The following CDH6 variants were observed in gnomAD, a reference collection of about 807,000 sequenced individuals.
CDH6 encodes cadherin-6.
In CDH6, 31 loss-of-function variants were observed where a neutral mutation model predicts 78.0. The observed-to-expected ratio is 0.40, with a 90% CI of 0.30 to 0.54. The LOEUF is 0.54. CDH6 is among the 20% of genes least tolerant of loss of function. The pLI, the probability that CDH6 is intolerant of heterozygous loss-of-function variation, is 0.56. For synonymous variants in CDH6, 376 were observed against 368.8 expected (o/e 1.02, Z -0.23); for missense variants, 724 against 975.9 (o/e 0.74, Z 3.44).
chr5:31,242,758 A>T (rs919178002), intron 1 of CDH6, among the ~76,000 whole-genome samples: 2 of 151,592 alleles, frequency 1.3e-5, no homozygotes, highest in African/African-American at 4.9e-5. Flanking sequence ...GCAGTGGCTC[A>T]CACCTGTAAT....
At chr5:31,277,285 T>C (rs1742724671) in intron 2 of CDH6, among the ~76,000 whole-genome samples, 1 of 152,198 alleles carries the variant, frequency 6.6e-6, no homozygotes, top group Non-Finnish European at 1.5e-5. Context: ...TGGTACAATT[T>C]GGGGTTTATA....
At position 31,320,934 on chromosome 5, in the gene CDH6, G is replaced by A. The variant is rs894722544; in HGVS notation, c.1883-1884G>A. Reference sequence around the variant, plus strand: ...GCAGAGGTTGTAGTGATCTGAGATCGTGCCACTGCACTCCAGCCTGGGTGA... The same window carrying A: ...GCAGAGGTTGTAGTGATCTGAGATCATGCCACTGCACTCCAGCCTGGGTGA... On this transcript the variant is annotated intron_variant, in intron 11 of 11. Coordinates refer to ENST00000265071, the MANE Select transcript of CDH6 (RefSeq NM_004932.4). Among the ~76,000 whole-genome samples the A allele has an allele frequency of 4.7e-5, 7 of 150,280 alleles. No individual in the cohort carries two copies. In the East Asian group the frequency reaches 5.9e-4, roughly 13 times the overall value.
intron 11 of CDH6, among the ~76,000 whole-genome samples, chr5:31,321,875 C>A (rs746142596): frequency 2.6e-5 from 4 of 152,106 alleles, no homozygotes; most frequent in Admixed American, 1.3e-4. Flanking sequence ...TCTCTCTAAG[C>A]TTTTACTGTG....
At chr5:31,268,541 G>T (rs909545923) in intron 2 of CDH6, among the ~76,000 whole-genome samples, 14 of 152,062 alleles carry the variant, frequency 9.2e-5, no homozygotes, top group African/African-American at 3.4e-4. Context: ...AGATGTCAAA[G>T]AAAAAACCAG....
At chr5:31,282,575 T>G (rs2149941199) in intron 2 of CDH6, among the ~76,000 whole-genome samples, 1 of 152,274 alleles carries the variant, frequency 6.6e-6, no homozygotes, top group Middle Eastern at 3.4e-3. Context: ...ATGTGTAAAG[T>G]TCTTTTTGCC....
intron 1 of CDH6, among the ~76,000 whole-genome samples, chr5:31,257,253 C>G (rs1742082395): frequency 6.6e-6 from 1 of 152,170 alleles, no homozygotes; most frequent in South Asian, 2.1e-4. Context: ...AGCTCCGCCT[C>G]CCGGGTTCAC....
At chr5:31,261,612 C>T (rs2149930334) in intron 1 of CDH6, among the ~76,000 whole-genome samples, 1 of 152,246 alleles carries the variant, frequency 6.6e-6, no homozygotes, top group East Asian at 1.9e-4. Context: ...TTACTGAATG[C>T]TTATTGTGCT....
intron 1 of CDH6, among the ~76,000 whole-genome samples, chr5:31,253,538 C>T (rs1303373050): frequency 6.6e-6 from 1 of 152,156 alleles, no homozygotes; most frequent in Non-Finnish European, 1.5e-5. Context: ...CAGAGTAATA[C>T]AGGACCTCTC....
intron 1 of CDH6, among the ~76,000 whole-genome samples, chr5:31,208,987 C>T (rs1435887470): frequency 1.3e-5 from 2 of 152,160 alleles, no homozygotes; most frequent in African/African-American, 4.8e-5. Flanking sequence ...TTCAACCCAG[C>T]TCTATCTGAG....
At chr5:31,250,301 C>T (rs1039197494) in intron 1 of CDH6, 1 of 152,370 alleles carries the variant, frequency 6.6e-6, no homozygotes, top group African/African-American at 2.4e-5. Context: ...GGGGTCACTT[C>T]CCTCCCTCCA....
At chr5:31,302,827 A>G (rs1579900516) in intron 6 of CDH6, among the ~76,000 whole-genome samples, 1 of 146,552 alleles carries the variant, frequency 6.8e-6, no homozygotes, top group South Asian at 2.2e-4. Context: ...AAAGAAAGAA[A>G]GAAAGAAAGA....
intron 1 of CDH6, among the ~76,000 whole-genome samples, chr5:31,259,932 G>A (rs1230295970): frequency 6.6e-6 from 1 of 152,156 alleles, no homozygotes; most frequent in African/African-American, 2.4e-5. Flanking sequence ...ACTGCTGTGG[G>A]AGCAGCTCCC....
chr5:31,301,753 G>A (rs1737770886), intron 5 of CDH6, among the ~76,000 whole-genome samples: 1 of 152,176 alleles, frequency 6.6e-6, no homozygotes, highest in Admixed American at 6.5e-5. Context: ...TCGCAGTTCA[G>A]ATTAAATTCT....
At chr5:31,287,146 T>C (rs1743033295) in intron 2 of CDH6, among the ~76,000 whole-genome samples, 1 of 152,026 alleles carries the variant, frequency 6.6e-6, no homozygotes, top group Non-Finnish European at 1.5e-5. Flanking sequence ...GGTACAGAGA[T>C]AGCAATTGAA....
In CDH6 at chr5:31,313,398, T is replaced by A; in HGVS notation, c.1334T>A (p.Leu445His). Residue 445 changes from leucine to histidine, a missense_variant, in exon 8 of 12, where the codon CTT becomes CAT. This residue lies in a region of CDH6 where 446 missense variants were observed against 684.5 expected (regional missense o/e 0.65). Coordinates refer to ENST00000265071, the MANE Select transcript of CDH6 (RefSeq NM_004932.4). Reference sequence around the variant, plus strand: ...AATGGTTCGATTTTTACATCGAAACTTCTTGACCGAGAAACACTGCTATGG... The same window carrying A: ...AATGGTTCGATTTTTACATCGAAACATCTTGACCGAGAAACACTGCTATGG... ...SGNGSIFTSK[L>H]LDRETLLWHN... 1.9e-6 allele frequency: 3 copies of A among 1,614,070 alleles called. No homozygotes were observed. The highest frequency in any genetic ancestry group is 2.5e-6 in the Non-Finnish European group (3 of 1,179,918).
At chr5:31,277,368 G>A (rs988515163) in intron 2 of CDH6, among the ~76,000 whole-genome samples, 1 of 152,038 alleles carries the variant, frequency 6.6e-6, no homozygotes, top group African/African-American at 2.4e-5. Context: ...AAAGTTTAAG[G>A]CACCCAACAA....
chr5:31,312,190 A>G (rs1738176439), intron 7 of CDH6, among the ~76,000 whole-genome samples: 1 of 152,222 alleles, frequency 6.6e-6, no homozygotes, highest in South Asian at 2.1e-4. Context: ...GGATCAGTCC[A>G]GATCTTAATC....
At chr5:31,278,265 A>G (rs554155631) in intron 2 of CDH6, among the ~76,000 whole-genome samples, 10 of 152,200 alleles carry the variant, frequency 6.6e-5, no homozygotes, top group Non-Finnish European at 1.5e-4. Context: ...AAGTCTTTCT[A>G]TGAAAACTAC....
At chr5:31,242,860 A>G (rs1409304141) in intron 1 of CDH6, among the ~76,000 whole-genome samples, 4 of 117,906 alleles carry the variant, frequency 3.4e-5, no homozygotes, top group Non-Finnish European at 6.5e-5. Flanking sequence ...CGCCTCTACT[A>G]AAAAAAAAAA....
Sources: gnomAD v4.1 joint callset for allele counts (sites outside exome capture counted in the v4.1 genomes callset) on GRCh38, gnomAD v4.1.1 for gene constraint, gnomAD v4.1.1 regional missense constraint, MANE v1.5 for transcripts, NCBI Gene and HGNC (gene_info 2026-07-23, HGNC 2026-07-21) for gene names.